Variants in CPSF3 observed in about 807,000 individuals in gnomAD.
CPSF3 encodes cleavage and polyadenylation specificity factor subunit 3.
In CPSF3, 57 loss-of-function variants were observed where a neutral mutation model predicts 84.1. The observed-to-expected ratio is 0.68, with a 90% CI of 0.55 to 0.85. CPSF3 has a LOEUF of 0.85. CPSF3 is among the 40% of genes least tolerant of loss of function. The probability of loss-of-function intolerance (pLI) is 0.00; values close to 1 mark genes in which losing one functional copy is unlikely to be tolerated. For missense variants in CPSF3, 522 were observed against 838.8 expected, an observed-to-expected ratio of 0.62 and a Z score of 4.66; for synonymous variants, 275 against 278.1, an observed-to-expected ratio of 0.99 and a Z score of 0.11.
chr2:9,425,148 T>C (rs1480353677), intron 1 of CPSF3, among the ~76,000 whole-genome samples: 1 of 152,172 alleles, frequency 6.6e-6, no homozygotes, highest in African/African-American at 2.4e-5. Context: ...GGGCCCAGGA[T>C]GTTCTAGGCA....
At chr2:9,432,780 C>A in intron 5 of CPSF3, 92 bp downstream of exon 5, 1 of 1,005,826 alleles carries the variant, frequency 9.9e-7, no homozygotes, top group Non-Finnish European at 1.3e-6. Flanking sequence ...TTCCCTAAGA[C>A]TTGCAAAGTG....
intron 2 of CPSF3, 69 bp from the exon 3 acceptor site, chr2:9,429,854 T>A (rs1680516837): frequency 3.0e-6 from 3 of 1,015,262 alleles, no homozygotes; most frequent in Non-Finnish European, 3.0e-6. Context: ...CTAGAATTAT[T>A]GCCTATTTGC....
chr2:9,459,391 A>T, intron 14 of CPSF3, 140 bp from the exon 15 acceptor site: 1 of 683,664 alleles, frequency 1.5e-6, no homozygotes, highest in Non-Finnish European at 2.7e-6. Context: ...TCAGTAAACA[A>T]TGAGTCAGTT....
chr2:9,426,858 A>G (rs921444615), intron 1 of CPSF3, among the ~76,000 whole-genome samples: 1 of 134,454 alleles, frequency 7.4e-6, no homozygotes, highest in African/African-American at 3.0e-5. Context: ...ACTGGGCAAC[A>G]TAGGGGGACC....
Position 9,448,234 on chromosome 2 carries a change from T to C in CPSF3, c.1279T>C (p.Leu427=), listed in dbSNP as rs765649516. ...VHGEQNEMAR[L]KAALIREYED... Reference sequence around the variant, plus strand: ...TGGAGAACAGAATGAAATGGCCAGATTGAAAGCAGCACTGATTCGAGAATA... The same window carrying C: ...TGGAGAACAGAATGAAATGGCCAGACTGAAAGCAGCACTGATTCGAGAATA... The change falls in exon 11 of 18, where the codon TTG becomes CTG. Residue 427 remains leucine (L), a synonymous_variant. Transcript: ENST00000238112. 34 of 1,610,928 alleles carry C rather than the reference T, an allele frequency of 2.1e-5. 1 individual carries two copies. The South Asian group carries it at 3.5e-4, about 17-fold the overall frequency.
At chr2:9,458,402 T>C (rs952783417) in intron 14 of CPSF3, among the ~76,000 whole-genome samples, 5 of 151,492 alleles carry the variant, frequency 3.3e-5, no homozygotes, top group Admixed American at 3.3e-4. Flanking sequence ...AGACGCTGTC[T>C]CAAAAGAAAA....
intron 10 of CPSF3, among the ~76,000 whole-genome samples, chr2:9,446,580 CAAA>C (rs71389245): frequency 1.4e-3 from 129 of 89,140 alleles, no homozygotes; most frequent in African/African-American, 5.4e-3. Flanking sequence ...GACTCGGTCT[CAAA>C]AAAAAAAAAA....
chr2:9,433,974 T>C lies in CPSF3; in HGVS notation c.609+14T>C, dbSNP rs1356335442. The stretch of plus-strand genomic sequence containing the variant: ...ATTCTTATCATTGTAAGTATTAATA[T>C]ACTATATTGTAATCAATGTAATGTA... On this transcript the variant is annotated intron_variant, in intron 6 of 17. Transcript: ENST00000238112. 2.2e-6 allele frequency: 3 copies of C among 1,395,178 alleles called. No homozygotes were observed. The highest frequency in any genetic ancestry group is 1.2e-5 in the South Asian group (1 of 83,052). 86.4% of individuals were successfully genotyped at this position (1,395,178 alleles called of 1,614,324 possible).
intron 1 of CPSF3, chr2:9,424,826 G>C (rs981129420): frequency 2.0e-5 from 3 of 152,140 alleles, no homozygotes; most frequent in Non-Finnish European, 4.4e-5. Flanking sequence ...GAGATACTTT[G>C]GAATAATAGG....
At chr2:9,423,849 G>A (rs1207157178) in intron 1 of CPSF3, 26 bp downstream of exon 1, 8 of 1,610,966 alleles carry the variant, frequency 5.0e-6, no homozygotes, top group Non-Finnish European at 6.8e-6. Context: ...GAGAGGGAAT[G>A]AAGCCACGGG....
intron 1 of CPSF3, among the ~76,000 whole-genome samples, chr2:9,425,894 T>C (rs1376221262): frequency 2.0e-5 from 3 of 152,240 alleles, no homozygotes; most frequent in Non-Finnish European, 4.4e-5. Context: ...CTTGTATTCA[T>C]TAGCAGTCAT....
intron 7 of CPSF3, among the ~76,000 whole-genome samples, chr2:9,439,744 T>G (rs1680907772): frequency 6.6e-6 from 1 of 152,022 alleles, no homozygotes; most frequent in Admixed American, 6.6e-5. Context: ...ATCCCAGCAC[T>G]TTGGGAAGCT....
chr2:9,447,327 A>G (rs1681159308), intron 10 of CPSF3, among the ~76,000 whole-genome samples: 1 of 151,766 alleles, frequency 6.6e-6, no homozygotes, highest in Non-Finnish European at 1.5e-5. Context: ...AAAAATACAA[A>G]TATTAGCCGG....
At chr2:9,425,694 CTG>C (rs1463625297) in intron 1 of CPSF3, among the ~76,000 whole-genome samples, 4 of 151,822 alleles carry the variant, frequency 2.6e-5, no homozygotes, top group African/African-American at 4.8e-5. Context: ...TGGGGCAACT[CTG>C]GAGTAAATTT....
rs1023638746 is a variant in CPSF3, at chr2:9,434,276, C to T, written c.609+316C>T. Among the ~76,000 whole-genome samples, 4 of 150,728 alleles carry T rather than the reference C, an allele frequency of 2.7e-5. No homozygotes were observed. The Admixed American group carries it at 2.7e-4, about 10-fold the overall frequency. ...TGCAGTTACCTGGGAGGCTGAGGCA[C>T]AAGAATCACTTGAACCCAGAAGGTG... On this transcript the variant is annotated intron_variant, in intron 6 of 17. Transcript: ENST00000238112.
intron 14 of CPSF3, 111 bp downstream of exon 14, chr2:9,457,138 G>T (rs1681559712): frequency 3.5e-4 from 155 of 446,814 alleles, no homozygotes; most frequent in East Asian, 6.4e-4. Context: ...GAATATTGTT[G>T]GAAAGTATAT....
chr2:9,424,236 G>T (rs545999993), intron 1 of CPSF3: 35 of 994,692 alleles, frequency 3.5e-5, no homozygotes, highest in Non-Finnish European at 3.9e-5. Context: ...AGCCGTGCAG[G>T]GAAGAATTAA....
In CPSF3 at chr2:9,440,648, A is replaced by G. The variant is rs760575081; in HGVS notation, c.918A>G (p.Lys306=). The change falls in exon 8 of 18, where the codon AAA becomes AAG. Residue 306 remains lysine, a synonymous_variant. Coordinates refer to ENST00000238112, the MANE Select transcript of CPSF3 (RefSeq NM_016207.4). ...ACATCAATAATCCCTTTGTTTTCAAACACATTAGTAACCTCAAGGTGAGTG... is the reference window on the plus strand; with the variant it reads ...ACATCAATAATCCCTTTGTTTTCAAGCACATTAGTAACCTCAAGGTGAGTG... ...QININNPFVF[K]HISNLKSMDH... 6.2e-7 allele frequency: 1 copy of G among 1,614,182 alleles called. No individual in the cohort carries two copies.
At chr2:9,435,111 T>C (rs562530348) in intron 6 of CPSF3, among the ~76,000 whole-genome samples, 1 of 152,368 alleles carries the variant, frequency 6.6e-6, no homozygotes, top group South Asian at 2.1e-4. Context: ...AATCATCTGA[T>C]GATATTGCTA....
Sources: gnomAD v4.1 joint callset for allele counts (sites outside exome capture counted in the v4.1 genomes callset) on GRCh38, gnomAD v4.1.1 for gene constraint, MANE v1.5 for transcripts, NCBI Gene and HGNC (gene_info 2026-07-23, HGNC 2026-07-21) for gene names.